STXBP5: variants seen among roughly 807,000 people sequenced by gnomAD.
STXBP5 encodes the protein syntaxin-binding protein 5.
STXBP5 carries 50 observed loss-of-function variants against 152.4 expected under a neutral mutation model. The observed-to-expected ratio is 0.33, with a 90% CI of 0.26 to 0.42. The LOEUF (loss-of-function observed/expected upper bound fraction) is 0.42, where lower values mean the gene tolerates loss of function less well. Among genes scored for constraint, STXBP5 ranks in the 10% least tolerant of loss-of-function variants. The probability of loss-of-function intolerance (pLI) is 1.00; values close to 1 mark genes in which losing one functional copy is unlikely to be tolerated. For synonymous variants in STXBP5, 492 were observed against 494.7 expected (o/e 0.99, Z 0.07); for missense variants, 1,167 against 1,388.6 (o/e 0.84, Z 2.54).
At chr6:147,321,020 T>G (rs1044798033) in intron 16 of STXBP5, among the ~76,000 whole-genome samples, 2 of 152,174 alleles carry the variant, frequency 1.3e-5, no homozygotes, top group Non-Finnish European at 2.9e-5. Context: ...ATGAGAGAGA[T>G]AACTAGTCTT....
In STXBP5 at chr6:147,352,961, C is replaced by G. The variant is rs991812848; in HGVS notation, c.2255-362C>G. The stretch of plus-strand genomic sequence containing the variant: ...AGGAGTTTGAGACCAGCCTGGGTAA[C>G]ATAGTGAGACCCCATCTCTACAAAC... On this transcript the variant is annotated intron_variant, in intron 21 of 27. Transcript: ENST00000321680. Among the ~76,000 whole-genome samples, 10 of 152,054 alleles carry G rather than the reference C, an allele frequency of 6.6e-5. 1 individual carries two copies. Among genetic ancestry groups the G allele is most frequent in the Non-Finnish European group, 1.3e-4 (9 of 68,012 alleles).
At chr6:147,326,612 A>G (rs1405744638) in intron 17 of STXBP5, among the ~76,000 whole-genome samples, 1 of 152,196 alleles carries the variant, frequency 6.6e-6, no homozygotes, top group Non-Finnish European at 1.5e-5. Context: ...AATTTCCTTT[A>G]TTCATAGTTG....
At chr6:147,314,743 G>A in intron 14 of STXBP5, 107 bp downstream of exon 14, 1 of 789,522 alleles carries the variant, frequency 1.3e-6, no homozygotes, top group Non-Finnish European at 1.9e-6. Context: ...GAAATGTAGA[G>A]GTTATAAATT....
chr6:147,312,774 A>C (rs1303781335), intron 11 of STXBP5, among the ~76,000 whole-genome samples: 2 of 152,184 alleles, frequency 1.3e-5, no homozygotes, highest in African/African-American at 4.8e-5. Context: ...TCAAAATAAC[A>C]AGATAATTTG....
intron 21 of STXBP5, among the ~76,000 whole-genome samples, chr6:147,352,271 A>G (rs1422994161): frequency 6.6e-6 from 1 of 152,256 alleles, no homozygotes; most frequent in Non-Finnish European, 1.5e-5. Flanking sequence ...GTTGAGTCAG[A>G]TATTGTATAA....
chr6:147,227,320 A>G (rs572008859), intron 2 of STXBP5, among the ~76,000 whole-genome samples: 7 of 152,282 alleles, frequency 4.6e-5, no homozygotes, highest in African/African-American at 7.2e-5. Flanking sequence ...ATTAAGTAGT[A>G]TAGTGTAGTG....
chr6:147,344,677 T>C (rs1208218077), intron 21 of STXBP5, among the ~76,000 whole-genome samples: 1 of 152,212 alleles, frequency 6.6e-6, no homozygotes, highest in Non-Finnish European at 1.5e-5. Context: ...GGATTAGGGC[T>C]CAGCCTAAGG....
intron 21 of STXBP5, among the ~76,000 whole-genome samples, chr6:147,343,468 A>T (rs1292166625): frequency 6.6e-6 from 1 of 152,182 alleles, no homozygotes; most frequent in Admixed American, 6.5e-5. Flanking sequence ...AGCAGTTCTA[A>T]CACCTTTATT....
At position 147,325,100 on chromosome 6, in the gene STXBP5, G is replaced by T. The variant is rs137903091; in HGVS notation, c.1928+16G>T. The T allele has an allele frequency of 5.9e-4, 875 of 1,480,364 alleles. 5 individuals are homozygous for T. In the African/African-American group the frequency reaches 0.012, roughly 20 times the overall value. 91.7% of individuals were successfully genotyped at this position (1,480,364 alleles called of 1,614,324 possible). A position where few individuals can be genotyped will look rare whatever the true frequency, so the allele number is the denominator to read the frequency against. The stretch of plus-strand genomic sequence containing the variant: ...CCTATGGACTGTAAGTATAAGTTAC[G>T]TTTTTTTCTAAGTCTCTTCATAGTA... On this transcript the variant is annotated intron_variant, in intron 17 of 27. Transcript: ENST00000321680.
rs141859430 is a variant in STXBP5, at chr6:147,342,984, T to C, written c.2254+3600T>C. Among the ~76,000 whole-genome samples, 643 of 152,266 alleles carry C rather than the reference T, an allele frequency of 4.2e-3. 3 individuals are homozygous for C. The highest frequency in any genetic ancestry group is 0.014 in the African/African-American group (602 of 41,574). On this transcript the variant is annotated intron_variant, in intron 21 of 27. Coordinates refer to ENST00000321680, the MANE Select transcript of STXBP5 (RefSeq NM_001127715.4). ...TCCAGTTTTATTACTAATTTTCTTA[T>C]GGAAGGAATGATTACCAAATTCCTT...
chr6:147,366,963 A>G (rs1456446569), intron 25 of STXBP5, among the ~76,000 whole-genome samples: 1 of 152,214 alleles, frequency 6.6e-6, no homozygotes, highest in Non-Finnish European at 1.5e-5. Context: ...CCAGGCATGG[A>G]AAGAGACAGA....
intron 2 of STXBP5, among the ~76,000 whole-genome samples, chr6:147,231,118 G>A (rs536488924): frequency 6.6e-6 from 1 of 151,626 alleles, no homozygotes; most frequent in Non-Finnish European, 1.5e-5. Flanking sequence ...GGTTTTACTG[G>A]CTCTGGCATT....
At chr6:147,303,381 T>C (rs1781925783) in intron 9 of STXBP5, among the ~76,000 whole-genome samples, 1 of 152,152 alleles carries the variant, frequency 6.6e-6, no homozygotes, top group Non-Finnish European at 1.5e-5. Context: ...AAGGACATAT[T>C]TGCTGCACCT....
At chr6:147,206,746 G>A (rs1776585410) in intron 2 of STXBP5, among the ~76,000 whole-genome samples, 1 of 151,820 alleles carries the variant, frequency 6.6e-6, no homozygotes. Context: ...TACTTTTCCT[G>A]GTTGTGTATG....
Position 147,363,279 on chromosome 6 carries a change from G to A in STXBP5, c.2546-56G>A, listed in dbSNP as rs1017386911. On this transcript the variant is annotated intron_variant, in intron 23 of 27. Coordinates refer to ENST00000321680, the MANE Select transcript of STXBP5 (RefSeq NM_001127715.4). ...ACTGTATGTCAAAGTTAGAATAAAC[G>A]TGTTTACTCTGTTGATTAAAATATT... is the stretch of plus-strand genomic sequence containing the variant. 2.0e-5 allele frequency: 30 copies of A among 1,468,834 alleles called. No homozygotes were observed. The Admixed American group carries it at 2.8e-4, about 13-fold the overall frequency. 91.0% of individuals were successfully genotyped at this position (1,468,834 alleles called of 1,614,324 possible).
At chr6:147,235,121 A>G in intron 2 of STXBP5, 129 bp from the exon 3 acceptor site, 3 of 701,324 alleles carry the variant, frequency 4.3e-6, no homozygotes, top group South Asian at 4.1e-5. Flanking sequence ...CCTAACTCTA[A>G]ATCTCAACTT....
At chr6:147,345,810 A>G (rs1009163438) in intron 21 of STXBP5, among the ~76,000 whole-genome samples, 1 of 152,208 alleles carries the variant, frequency 6.6e-6, no homozygotes, top group Non-Finnish European at 1.5e-5. Context: ...CTTGGACATC[A>G]TACATCTTTT....
intron 15 of STXBP5, 29 bp from the exon 16 acceptor site, chr6:147,316,199 AG>A (rs1336853590): frequency 9.4e-6 from 15 of 1,593,514 alleles, no homozygotes; most frequent in Admixed American, 1.7e-5. Context: ...AATTATTAGG[AG>A]TAAGTAAACT....
chr6:147,347,678 C>T (rs903293641), intron 21 of STXBP5, among the ~76,000 whole-genome samples: 3 of 152,130 alleles, frequency 2.0e-5, no homozygotes, highest in Admixed American at 6.5e-5. Context: ...CTAATAGTTA[C>T]AGAAATATTT....
Sources: gnomAD v4.1 joint callset for allele counts (sites outside exome capture counted in the v4.1 genomes callset) on GRCh38, gnomAD v4.1.1 for gene constraint, MANE v1.5 for transcripts, NCBI Gene and HGNC (gene_info 2026-07-23, HGNC 2026-07-21) for gene names.